KCNIP4: variants seen among roughly 807,000 people sequenced by gnomAD.
KCNIP4 encodes Kv channel-interacting protein 4.
In KCNIP4, 12 loss-of-function variants were observed where a neutral mutation model predicts 34.0. That is an observed-to-expected ratio of 0.35 (90% CI 0.23 to 0.57). The LOEUF (loss-of-function observed/expected upper bound fraction) is 0.57. KCNIP4 is among the 20% of genes least tolerant of loss of function. The pLI, the probability that KCNIP4 is intolerant of heterozygous loss-of-function variation, is 0.83. For synonymous variants in KCNIP4, 124 were observed against 102.2 expected (o/e 1.21, Z -1.29); for missense variants, 238 against 311.7 (o/e 0.76, Z 1.78).
chr4:21,654,090 C>A (rs1747723719), intron 1 of KCNIP4, among the ~76,000 whole-genome samples: 1 of 152,146 alleles, frequency 6.6e-6, no homozygotes. Flanking sequence ...GAATAGATAG[C>A]TTTATAATGA....
intron 1 of KCNIP4, among the ~76,000 whole-genome samples, chr4:21,885,829 G>T (rs1030306422): frequency 1.3e-4 from 20 of 152,140 alleles, no homozygotes; most frequent in African/African-American, 4.8e-4. Flanking sequence ...TGGGCATCCT[G>T]ATGATCACAT....
chr4:21,641,452 T>A (rs1484514056), intron 1 of KCNIP4, among the ~76,000 whole-genome samples: 1 of 152,196 alleles, frequency 6.6e-6, no homozygotes, highest in Non-Finnish European at 1.5e-5. Flanking sequence ...AGTTGTTCAC[T>A]TTGTTTGGAA....
chr4:21,059,458 C>G (rs569805917), intron 1 of KCNIP4, among the ~76,000 whole-genome samples: 1 of 152,160 alleles, frequency 6.6e-6, no homozygotes, highest in East Asian at 1.9e-4. Flanking sequence ...GCCATGGATC[C>G]TAAGGCCAAG....
intron 1 of KCNIP4, among the ~76,000 whole-genome samples, chr4:21,858,578 G>C (rs1243797561): frequency 2.0e-5 from 3 of 152,080 alleles, no homozygotes; most frequent in East Asian, 1.9e-4. Context: ...CAACTCAAAA[G>C]GTTCACTGTA....
At chr4:20,765,495 C>T (rs1057023047) in intron 3 of KCNIP4, among the ~76,000 whole-genome samples, 2 of 152,124 alleles carry the variant, frequency 1.3e-5, no homozygotes, top group African/African-American at 2.4e-5. Context: ...CAATCTTTTT[C>T]TTTTTAGAAA....
chr4:21,466,072 A>T (rs1165372372), intron 1 of KCNIP4, among the ~76,000 whole-genome samples: 1 of 152,092 alleles, frequency 6.6e-6, no homozygotes. Context: ...TCCAGCCCTT[A>T]CAACACACAA....
intron 1 of KCNIP4, among the ~76,000 whole-genome samples, chr4:21,610,800 G>A (rs994376072): frequency 6.6e-5 from 10 of 151,984 alleles, no homozygotes; most frequent in Admixed American, 3.9e-4. Flanking sequence ...CAAACATGGT[G>A]AAAAGGGAAG....
intron 1 of KCNIP4, among the ~76,000 whole-genome samples, chr4:21,724,542 C>T (rs1478333688): frequency 6.7e-6 from 1 of 149,714 alleles, no homozygotes; most frequent in Non-Finnish European, 1.5e-5. Flanking sequence ...TGGAGCAATT[C>T]ATCACTTTAC....
intron 1 of KCNIP4, among the ~76,000 whole-genome samples, chr4:21,406,448 C>T (rs1723999664): frequency 6.6e-6 from 1 of 152,144 alleles, no homozygotes; most frequent in African/African-American, 2.4e-5. Context: ...TGTTCCTCAC[C>T]ATCACCCACG....
chr4:21,147,939 C>CAAAAAAAAAAAAAAAAAAAA lies in KCNIP4; in HGVS notation c.62-265250_62-265231dup, dbSNP rs377562727. Among the ~76,000 whole-genome samples the CAAAAAAAAAAAAAAAAAAAA allele has an allele frequency of 2.5e-3, 78 of 30,936 alleles. 1 individual carries two copies. The highest frequency in any genetic ancestry group is 3.9e-3 in the Non-Finnish European group (62 of 15,998). The allele number at this position is 30,936 out of a possible 152,430, so 20.3% of individuals were successfully genotyped here. ...GGACAACAAAAGTGAAACTCCGTCT[C>CAAAAAAAAAAAAAAAAAAAA]AAAAAAAAAAAAAAAAAAAAAGAAA... On this transcript the variant is annotated intron_variant, in intron 1 of 8. Coordinates refer to ENST00000382152, the MANE Select transcript of KCNIP4 (RefSeq NM_025221.6).
intron 3 of KCNIP4, among the ~76,000 whole-genome samples, chr4:20,828,253 C>G (rs917814584): frequency 6.6e-6 from 1 of 152,136 alleles, no homozygotes; most frequent in Admixed American, 6.6e-5. Context: ...ATGGTGAAAC[C>G]CTGTCTCTAC....
chr4:21,455,915 A>G (rs2109758882), intron 1 of KCNIP4, among the ~76,000 whole-genome samples: 1 of 128,728 alleles, frequency 7.8e-6, no homozygotes, highest in East Asian at 2.2e-4. Context: ...AGGCTCAGAG[A>G]GAATTGGCTA....
chr4:21,070,048 A>G (rs1298398378), intron 1 of KCNIP4, among the ~76,000 whole-genome samples: 1 of 152,154 alleles, frequency 6.6e-6, no homozygotes, highest in Non-Finnish European at 1.5e-5. Context: ...CAACTCGATA[A>G]TTTTATCACT....
intron 3 of KCNIP4, among the ~76,000 whole-genome samples, chr4:20,849,831 G>A (rs1720811712): frequency 6.6e-6 from 1 of 152,204 alleles, no homozygotes; most frequent in African/African-American, 2.4e-5. Context: ...CAGACCATAA[G>A]CTCCTTAAGG....
chr4:21,509,742 C>G (rs2109916518), intron 1 of KCNIP4, among the ~76,000 whole-genome samples: 1 of 152,296 alleles, frequency 6.6e-6, no homozygotes, highest in African/African-American at 2.4e-5. Context: ...CTAAACTAGA[C>G]TCACCTGATC....
At chr4:21,032,478 C>G (rs1197453168) in intron 1 of KCNIP4, among the ~76,000 whole-genome samples, 1 of 152,010 alleles carries the variant, frequency 6.6e-6, no homozygotes, top group Non-Finnish European at 1.5e-5. Context: ...TGACTCAGAG[C>G]AAACATTCTT....
chr4:20,874,552 T>C (rs1043415672), intron 2 of KCNIP4, among the ~76,000 whole-genome samples: 11 of 152,164 alleles, frequency 7.2e-5, no homozygotes, highest in African/African-American at 2.2e-4. Context: ...TACCTCTAGC[T>C]TTCCTATACT....
intron 1 of KCNIP4, among the ~76,000 whole-genome samples, chr4:21,070,399 T>TTA (rs1553933765): frequency 3.3e-5 from 5 of 151,670 alleles, no homozygotes; most frequent in African/African-American, 4.8e-5. Context: ...TTTTTTTTTT[T>TTA]AAAGTGTCCA....
intron 1 of KCNIP4, among the ~76,000 whole-genome samples, chr4:21,628,456 A>T (rs1041802047): frequency 2.6e-5 from 4 of 152,158 alleles, no homozygotes; most frequent in Non-Finnish European, 4.4e-5. Flanking sequence ...CATATGCTTG[A>T]TATACAAATT....
Sources: gnomAD v4.1 joint callset for allele counts (sites outside exome capture counted in the v4.1 genomes callset) on GRCh38, gnomAD v4.1.1 for gene constraint, MANE v1.5 for transcripts, NCBI Gene and HGNC (gene_info 2026-07-23, HGNC 2026-07-21) for gene names.